CSRP3: variants seen among roughly 807,000 people sequenced by gnomAD.
The protein encoded by CSRP3 is cysteine and glycine rich protein 3.
In CSRP3, 24 loss-of-function variants were observed where a neutral mutation model predicts 24.3. That is an observed-to-expected ratio of 0.99 (90% confidence interval 0.71 to 1.39). The LOEUF (loss-of-function observed/expected upper bound fraction) is 1.39, where lower values mean the gene tolerates loss of function less well. CSRP3 is among the 40% of genes most tolerant of loss of function. CSRP3 has a pLI of 0.00. For synonymous variants in CSRP3, 105 were observed against 94.0 expected (o/e 1.12, Z -0.68); for missense variants, 240 against 249.0 (o/e 0.96, Z 0.24).
intron 4 of CSRP3, among the ~76,000 whole-genome samples, chr11:19,185,576 CTTCAAATG>C (rs1008232642): frequency 2.6e-5 from 4 of 152,214 alleles, no homozygotes; most frequent in African/African-American, 9.7e-5. Flanking sequence ...TCTCCTATGT[CTTCAAATG>C]GCCAGTTTTA....
chr11:19,182,620 C>G lies in CSRP3; in HGVS notation c.*50G>C. 7.0e-7 allele frequency: 1 copy of G among 1,429,718 alleles called. No individual in the cohort carries two copies. The highest frequency in any genetic ancestry group is 9.9e-7 in the Non-Finnish European group (1 of 1,011,510). 88.6% of individuals were successfully genotyped at this position (1,429,718 alleles called of 1,614,324 possible). A position where few individuals can be genotyped will look rare whatever the true frequency, so the allele number is the denominator to read the frequency against. On this transcript the variant is annotated 3_prime_UTR_variant, in exon 6 of 6. Transcript: ENST00000265968. ...AAAGGTATCGATCTGTGCAGGATTA[C>G]TTGGCAAGTGTTTTAGGCTCGCAAA...
chr11:19,195,271 A>G (rs924362885), intron 1 of CSRP3, among the ~76,000 whole-genome samples: 1 of 152,138 alleles, frequency 6.6e-6, no homozygotes, highest in African/African-American at 2.4e-5. Flanking sequence ...CTCCATTTAA[A>G]CTACAGACTT....
intron 3 of CSRP3, among the ~76,000 whole-genome samples, chr11:19,187,194 A>T (rs1265647929): frequency 6.6e-6 from 1 of 152,270 alleles, no homozygotes; most frequent in Non-Finnish European, 1.5e-5. Context: ...CTTCCTTAAC[A>T]AGAGTCTCCA....
In CSRP3 at chr11:19,192,342, T is replaced by A; in HGVS notation, c.107A>T (p.His36Leu). 2 of 1,613,672 alleles carry A rather than the reference T, an allele frequency of 1.2e-6. No homozygotes were observed. The highest frequency in any genetic ancestry group is 1.7e-6 in the Non-Finnish European group (2 of 1,179,598). Reference protein sequence around the residue: ...NGRSFHKTCFHCMACRKALDS... With the variant: ...NGRSFHKTCFLCMACRKALDS... ...AGGGTGTCCACCCAACTCACTGCAG[T>A]GGAAACACGTCTTGTGGAAACTCCT... is the stretch of plus-strand genomic sequence containing the variant. Residue 36 changes from histidine to leucine, a missense_variant, in exon 2 of 6, where the codon CAC becomes CTC. His to Leu is a moderately conservative substitution (Grantham distance 99). Coordinates refer to ENST00000265968, the MANE Select transcript of CSRP3 (RefSeq NM_003476.5).
chr11:19,182,535 C>T lies in CSRP3; in HGVS notation c.*135G>A. ...GGCCTCTTCTAACATTCAGTAAAGACCTGATCACTTCTGAGGAGAAACACA... is the reference window on the plus strand; with the variant it reads ...GGCCTCTTCTAACATTCAGTAAAGATCTGATCACTTCTGAGGAGAAACACA... On this transcript the variant is annotated 3_prime_UTR_variant, in exon 6 of 6. Coordinates refer to ENST00000265968, the MANE Select transcript of CSRP3 (RefSeq NM_003476.5). 1.2e-6 allele frequency: 1 copy of T among 816,146 alleles called. No homozygotes were observed. The highest frequency in any genetic ancestry group is 2.2e-6 in the Non-Finnish European group (1 of 457,370). The allele number at this position is 816,146 out of a possible 1,614,324, so 50.6% of individuals were successfully genotyped here.
intron 2 of CSRP3, 118 bp from the exon 3 acceptor site, chr11:19,188,422 A>G (rs1370711046): frequency 3.0e-6 from 3 of 983,886 alleles, no homozygotes; most frequent in Admixed American, 3.8e-5. Flanking sequence ...AGCCAAGAAT[A>G]CAATGTTGAT....
intron 1 of CSRP3, among the ~76,000 whole-genome samples, chr11:19,197,501 C>CTCTTTCTTTCTTTCTT (rs747850845): frequency 0.019 from 1,251 of 67,098 alleles, 49 homozygotes; most frequent in Middle Eastern, 0.042. Flanking sequence ...CCCTCTTTTC[C>CTCTTTCTTTCTTTCTT]TCTTTCTTTC....
chr11:19,189,941 C>T (rs1850588863), intron 2 of CSRP3, among the ~76,000 whole-genome samples: 1 of 152,160 alleles, frequency 6.6e-6, no homozygotes, highest in South Asian at 2.1e-4. Context: ...TTGTTACTGT[C>T]AGTTACCAAC....
At chr11:19,195,573 T>A (rs1040006464) in intron 1 of CSRP3, among the ~76,000 whole-genome samples, 5 of 152,224 alleles carry the variant, frequency 3.3e-5, no homozygotes, top group African/African-American at 1.2e-4. Context: ...AAATTTTCAA[T>A]GAAAACAACC....
chr11:19,188,590 G>A (rs1199110944), intron 2 of CSRP3, among the ~76,000 whole-genome samples: 1 of 149,886 alleles, frequency 6.7e-6, no homozygotes, highest in Non-Finnish European at 1.5e-5. Context: ...GCATCCCTGA[G>A]TCTTCCCAAA....
chr11:19,194,858 A>G (rs1850672003), intron 1 of CSRP3, among the ~76,000 whole-genome samples: 1 of 152,134 alleles, frequency 6.6e-6, no homozygotes, highest in Non-Finnish European at 1.5e-5. Flanking sequence ...CTACCTGCCT[A>G]TCATGTGTCA....
At chr11:19,198,896 A>T (rs573484853) in intron 1 of CSRP3, among the ~76,000 whole-genome samples, 43 of 152,356 alleles carry the variant, frequency 2.8e-4, no homozygotes, top group African/African-American at 9.9e-4. Context: ...AATAATAGCT[A>T]AGACACCATA....
At chr11:19,186,409 G>A (rs1320743273) in intron 3 of CSRP3, 61 bp from the exon 4 acceptor site, 4 of 1,607,752 alleles carry the variant, frequency 2.5e-6, no homozygotes, top group Non-Finnish European at 8.5e-7. Context: ...TAGAAGAGCT[G>A]TGTGGCCTTG....
chr11:19,189,232 T>C (rs10766531), intron 2 of CSRP3, among the ~76,000 whole-genome samples: 133,416 of 152,254 alleles, frequency 0.88, 59,102 homozygotes, highest in East Asian at 1. Context: ...AGCAGCTCAC[T>C]TTCACTTCTA....
chr11:19,189,224 C>A (rs932902357), intron 2 of CSRP3, among the ~76,000 whole-genome samples: 9 of 152,222 alleles, frequency 5.9e-5, no homozygotes, highest in African/African-American at 1.9e-4. Flanking sequence ...CTTTTCTGAG[C>A]AGCTCACTTT....
At chr11:19,188,613 AGTGTGTGTGTGTGTGTGT>A (rs138192808) in intron 2 of CSRP3, among the ~76,000 whole-genome samples, 1 of 140,874 alleles carries the variant, frequency 7.1e-6, no homozygotes, top group East Asian at 2.1e-4. Flanking sequence ...ACATCAGGGA[AGTGTGTGTGTGTGTGTGT>A]GTGTGTGTGT....
chr11:19,200,016 T>G (rs1850809344), intron 1 of CSRP3, among the ~76,000 whole-genome samples: 1 of 152,196 alleles, frequency 6.6e-6, no homozygotes, highest in Admixed American at 6.5e-5. Flanking sequence ...AACAAATTAA[T>G]TATCTTCTAA....
intron 1 of CSRP3, among the ~76,000 whole-genome samples, chr11:19,194,862 T>C (rs769517477): frequency 6.6e-6 from 1 of 152,136 alleles, no homozygotes; most frequent in Non-Finnish European, 1.5e-5. Context: ...CTGCCTATCA[T>C]GTGTCAAGTA....
chr11:19,185,718 G>T (rs1157118227), intron 4 of CSRP3, among the ~76,000 whole-genome samples: 1 of 152,176 alleles, frequency 6.6e-6, no homozygotes, highest in Non-Finnish European at 1.5e-5. Flanking sequence ...CCCAGGCTTT[G>T]GGCCTGAAAC....
Sources: gnomAD v4.1 joint callset for allele counts (sites outside exome capture counted in the v4.1 genomes callset) on GRCh38, gnomAD v4.1.1 for gene constraint, MANE v1.5 for transcripts, NCBI Gene and HGNC (gene_info 2026-07-23, HGNC 2026-07-21) for gene names.